NELL2: variants seen among roughly 807,000 people sequenced by gnomAD.
NELL2 encodes the protein protein kinase C-binding protein NELL2.
A neutral mutation model predicts 109.6 loss-of-function variants in NELL2; 41 were observed. The ratio of observed to expected loss-of-function variants is 0.37; its 90% CI spans 0.29 to 0.49. NELL2 has a LOEUF of 0.49. Ranked by LOEUF, NELL2 falls within the 20% of genes least tolerant of loss-of-function variation. The pLI is 0.98. For missense variants in NELL2, 900 were observed against 1,008.3 expected (o/e 0.89, Z 1.45); for synonymous variants, 355 against 344.7 (o/e 1.03, Z -0.33).
chr12:44,806,883 T>G (rs1388800536), intron 3 of NELL2, among the ~76,000 whole-genome samples: 1 of 151,722 alleles, frequency 6.6e-6, no homozygotes, highest in African/African-American at 2.4e-5. Context: ...AGATTATATT[T>G]CAAATGAGGG....
At chr12:44,819,997 A>T (rs537260538) in intron 2 of NELL2, among the ~76,000 whole-genome samples, 2 of 152,166 alleles carry the variant, frequency 1.3e-5, no homozygotes, top group South Asian at 2.1e-4. Context: ...TAGCCTCAGG[A>T]TGGTCTCCTC....
chr12:44,793,669 T>A (rs890891433), intron 3 of NELL2, among the ~76,000 whole-genome samples: 7 of 152,170 alleles, frequency 4.6e-5, no homozygotes, highest in Non-Finnish European at 8.8e-5. Flanking sequence ...TCAGGTTTTT[T>A]AAAATAGATA....
chr12:44,731,392 C>T (rs1040289276), intron 9 of NELL2, among the ~76,000 whole-genome samples: 1 of 150,170 alleles, frequency 6.7e-6, no homozygotes, highest in Non-Finnish European at 1.5e-5. Context: ...AAGGATTATA[C>T]ACCATGATAA....
chr12:44,617,840 G>A (rs1370613239), intron 13 of NELL2, among the ~76,000 whole-genome samples: 2 of 151,964 alleles, frequency 1.3e-5, no homozygotes, highest in Admixed American at 6.6e-5. Context: ...GCTTTTGCTA[G>A]ATAGATGTCT....
At chr12:44,913,994 C>T (rs1945807033), upstream of NELL2, 4 of 315,390 alleles carry the variant, frequency 1.3e-5, no homozygotes, top group African/African-American at 4.4e-5. Context: ...CTCAGTACAT[C>T]CTGCCTGCTA....
intron 15 of NELL2, among the ~76,000 whole-genome samples, chr12:44,551,579 G>A (rs959787700): frequency 6.6e-6 from 1 of 152,080 alleles, no homozygotes; most frequent in African/African-American, 2.4e-5. Flanking sequence ...TCTCCCAAGT[G>A]CCTTCTCCCC....
At chr12:44,799,394 G>C (rs1010490675) in intron 3 of NELL2, among the ~76,000 whole-genome samples, 3 of 152,012 alleles carry the variant, frequency 2.0e-5, no homozygotes, top group African/African-American at 7.2e-5. Context: ...CTGCAAACCG[G>C]TTCTGCCTCT....
At chr12:44,526,875 T>C (rs1284849283) in intron 16 of NELL2, among the ~76,000 whole-genome samples, 4 of 152,154 alleles carry the variant, frequency 2.6e-5, no homozygotes, top group Admixed American at 2.6e-4. Context: ...AAAATAGGAT[T>C]GGGCCAAAAT....
chr12:44,626,329 GC>G (rs1566042871), intron 13 of NELL2, among the ~76,000 whole-genome samples: 1 of 152,130 alleles, frequency 6.6e-6, no homozygotes, highest in East Asian at 1.9e-4. Flanking sequence ...TCCTTGAATA[GC>G]TAAAGCATTT....
chr12:44,708,392 C>A (rs1412147327), intron 11 of NELL2, among the ~76,000 whole-genome samples: 4 of 152,126 alleles, frequency 2.6e-5, no homozygotes, highest in African/African-American at 9.7e-5. Flanking sequence ...AAAGTCAACA[C>A]TTCATCTCAT....
At chr12:44,795,592 G>A (rs926021445) in intron 3 of NELL2, among the ~76,000 whole-genome samples, 7 of 152,086 alleles carry the variant, frequency 4.6e-5, no homozygotes, top group South Asian at 2.1e-4. Flanking sequence ...TGTGAATAAC[G>A]AGCAATTTGA....
At chr12:44,700,816 A>G (rs1237701877) in intron 12 of NELL2, among the ~76,000 whole-genome samples, 1 of 152,166 alleles carries the variant, frequency 6.6e-6, no homozygotes, top group Non-Finnish European at 1.5e-5. Context: ...TATCTAATTT[A>G]CTGCTTTATC....
intron 12 of NELL2, among the ~76,000 whole-genome samples, chr12:44,700,779 T>C (rs7954828): frequency 0.062 from 9,432 of 152,210 alleles, 968 homozygotes; most frequent in African/African-American, 0.21. Flanking sequence ...AATTATCTTC[T>C]TCGCCTGACA....
At chr12:44,760,077 G>C (rs1941058252) in intron 9 of NELL2, among the ~76,000 whole-genome samples, 1 of 152,094 alleles carries the variant, frequency 6.6e-6, no homozygotes, top group Non-Finnish European at 1.5e-5. Context: ...TCAGCACTTA[G>C]AATCTAAATT....
rs182094331 is a variant in NELL2 at position 44,553,461 on chromosome 12, C to T, written c.1664-20740G>A. ...CTTAAATATACCCAAGAATTTCCAC[C>T]TTCACAAATATATAAAGTGCTCTTC... On this transcript the variant is annotated intron_variant, in intron 15 of 19. Transcript: ENST00000429094. 1.0e-3 allele frequency among the ~76,000 whole-genome samples: 159 copies of T among 152,172 alleles called. 1 individual carries two copies. The highest frequency in any genetic ancestry group is 3.5e-3 in the African/African-American group (147 of 41,510).
chr12:44,539,956 G>C (rs912372701), intron 15 of NELL2, among the ~76,000 whole-genome samples: 1 of 152,144 alleles, frequency 6.6e-6, no homozygotes, highest in Non-Finnish European at 1.5e-5. Context: ...ATGAAGGCAG[G>C]AGTGCCAGTC....
intron 15 of NELL2, among the ~76,000 whole-genome samples, chr12:44,564,383 C>A (rs753227529): frequency 1.3e-5 from 2 of 152,070 alleles, no homozygotes; most frequent in African/African-American, 4.8e-5. Context: ...AAAGGGAAAG[C>A]GAAACGGTAT....
intron 9 of NELL2, among the ~76,000 whole-genome samples, chr12:44,740,434 C>A (rs1178232227): frequency 2.0e-5 from 3 of 152,146 alleles, no homozygotes; most frequent in African/African-American, 7.2e-5. Context: ...CTGTGAACTA[C>A]TTCTAGCATG....
chr12:44,588,534 G>T (rs941167495), intron 15 of NELL2, among the ~76,000 whole-genome samples: 4 of 152,240 alleles, frequency 2.6e-5, no homozygotes, highest in Non-Finnish European at 5.9e-5. Flanking sequence ...GTACGCTGCA[G>T]ATGGCACTGA....
Sources: gnomAD v4.1 joint callset for allele counts (sites outside exome capture counted in the v4.1 genomes callset) on GRCh38, gnomAD v4.1.1 for gene constraint, MANE v1.5 for transcripts, NCBI Gene and HGNC (gene_info 2026-07-23, HGNC 2026-07-21) for gene names.